VENTX: variants seen among roughly 807,000 people sequenced by gnomAD.
VENTX encodes VENT homeobox.
VENTX carries 13 observed loss-of-function variants against 10.5 expected under a neutral mutation model. The observed-to-expected ratio is 1.23, with a 90% CI of 0.80 to 1.96. The LOEUF (loss-of-function observed/expected upper bound fraction) is 1.96, where lower values mean the gene tolerates loss of function less well. Among genes scored for constraint, VENTX ranks in the 30% most tolerant of loss-of-function variants. VENTX has a pLI of 0.00. For missense variants in VENTX, 400 were observed against 341.8 expected (o/e 1.17, Z -1.34); for synonymous variants, 177 against 150.4 (o/e 1.18, Z -1.29).
Position 133,238,063 on chromosome 10 carries a change from A to G in VENTX, c.149A>G (p.Gln50Arg). The G allele has an allele frequency of 1.3e-6, 2 of 1,597,600 alleles. No individual in the cohort carries two copies. Among genetic ancestry groups the G allele is most frequent in the South Asian group, 1.1e-5 (1 of 88,760 alleles). ...CTGGGGAGCCTCCCTGGCCCAGGCCAGACATCCGGCGCCCGGGAGCCCCCT... is the reference window on the plus strand; with the variant it reads ...CTGGGGAGCCTCCCTGGCCCAGGCCGGACATCCGGCGCCCGGGAGCCCCCT... ...FSLGSLPGPGQTSGAREPPQA... is the reference protein window; with the variant it reads ...FSLGSLPGPGRTSGAREPPQA... Residue 50 changes from glutamine to arginine, a missense_variant, in exon 1 of 3, where the codon CAG (glutamine) becomes CGG (arginine). By Grantham distance (43) the Gln-to-Arg change is conservative. Transcript: ENST00000325980.
At chr10:133,238,869 T>C (rs889214074) in intron 1 of VENTX, among the ~76,000 whole-genome samples, 2 of 152,234 alleles carry the variant, frequency 1.3e-5, no homozygotes, top group Non-Finnish European at 2.9e-5. Context: ...AGTGACTTTG[T>C]ACTTAAGGGA....
intron 1 of VENTX, 129 bp from the exon 2 acceptor site, chr10:133,239,547 G>T: frequency 8.6e-7 from 1 of 1,156,760 alleles, no homozygotes; most frequent in Non-Finnish European, 1.2e-6. Flanking sequence ...GGGTGCTGCT[G>T]GTCACTGTCA....
At position 133,240,037 on chromosome 10, in the gene VENTX, T is replaced by C. The variant is rs1235059581; in HGVS notation, c.508T>C (p.Tyr170His). The C allele has an allele frequency of 6.2e-7, 1 of 1,612,022 alleles. No homozygotes were observed. Among genetic ancestry groups the C allele is most frequent in the South Asian group, 1.1e-5 (1 of 91,018 alleles). The change falls in exon 3 of 3, where the codon TAC (tyrosine) becomes CAC (histidine). Residue 170 changes from tyrosine (Y) to histidine (H), a missense_variant. Physicochemically the swap from Tyr to His is moderately conservative, Grantham distance 83. Coordinates refer to ENST00000325980, the MANE Select transcript of VENTX (RefSeq NM_014468.4). ...SGSLHAPPAF[Y>H]STSSGLANGL... ...GTCTCTCCATGCGCCCCCAGCTTTC[T>C]ACTCAACGTCTTCTGGCCTTGCCAA...
rs565041822 is a variant in VENTX at position 133,241,058 on chromosome 10, T to G, written c.*752T>G. ...AACAGTAAAGGTTGTAAGCTTTGTG[T>G]GTACAAAAGAAAACAGGGAATGCAG... On this transcript the variant is annotated 3_prime_UTR_variant, in exon 3 of 3. Coordinates refer to ENST00000325980, the MANE Select transcript of VENTX (RefSeq NM_014468.4). 2 of 152,364 alleles carry G rather than the reference T, an allele frequency of 1.3e-5. No homozygotes were observed. Among genetic ancestry groups the G allele is most frequent in the East Asian group, 3.9e-4 (2 of 5,188 alleles). 9.4% of individuals were successfully genotyped at this position (152,364 alleles called of 1,614,324 possible).
Position 133,238,135 on chromosome 10 carries a change from C to T in VENTX, c.221C>T (p.Ala74Val). ...KEAAGSSNLP[A>V]PERTMAGLSK... Reference sequence around the variant, plus strand: ...GCCGCCGGGTCCTCAAATCTGCCTGCGCCGGAGAGGACCATGGCCGGTAGG... The same window carrying T: ...GCCGCCGGGTCCTCAAATCTGCCTGTGCCGGAGAGGACCATGGCCGGTAGG... Residue 74 changes from alanine to valine, a missense_variant, in exon 1 of 3, where the codon GCG becomes GTG. Physicochemically the swap from Ala to Val is moderately conservative, Grantham distance 64 (BLOSUM62 0). Coordinates refer to ENST00000325980, the MANE Select transcript of VENTX (RefSeq NM_014468.4). 6.2e-7 allele frequency: 1 copy of T among 1,603,510 alleles called. No individual in the cohort carries two copies.
intron 1 of VENTX, among the ~76,000 whole-genome samples, chr10:133,239,269 C>A (rs1845894192): frequency 6.6e-6 from 1 of 151,736 alleles, no homozygotes; most frequent in Non-Finnish European, 1.5e-5. Flanking sequence ...CTGAGTTGGC[C>A]TCCGCTGGCT....
chr10:133,239,700 T>C lies in VENTX; in HGVS notation c.266T>C (p.Leu89Ser), dbSNP rs1347155798. The part of the protein sequence containing the change: ...MAGLSKEPNT[L>S]RAPRVRTAFT... ...GGGTTGAGTAAGGAGCCAAATACCT[T>C]GCGGGCCCCCCGTGTCCGCACAGCC... Residue 89 changes from leucine (L) to serine (S), a missense_variant, in exon 2 of 3, where the codon TTG (leucine) becomes TCG (serine). Leu to Ser is a moderately radical substitution (Grantham distance 145, BLOSUM62 -2). Coordinates refer to ENST00000325980, the MANE Select transcript of VENTX (RefSeq NM_014468.4). 24 of 1,611,060 alleles carry C rather than the reference T, an allele frequency of 1.5e-5. No homozygotes were observed. Among genetic ancestry groups the C allele is most frequent in the Non-Finnish European group, 2.0e-5 (24 of 1,179,998 alleles).
rs1336242984 is a variant in VENTX, at chr10:133,240,111, T to C, written c.582T>C (p.Ala194=). 2.5e-6 allele frequency: 4 copies of C among 1,610,576 alleles called. No individual in the cohort carries two copies. The highest frequency in any genetic ancestry group is 3.4e-6 in the Non-Finnish European group (4 of 1,179,990). Residue 194 remains alanine, a synonymous_variant, in exon 3 of 3, where the codon GCT becomes GCC. Transcript: ENST00000325980. ...GGGCACCCCTGTCCGGGCCCCAGGC[T>C]CTGATGCTGCCCCCTGGCTCCTTCT... The part of the protein sequence containing the change: ...CPWAPLSGPQ[A]LMLPPGSFWG...
chr10:133,240,125 CT>C lies in VENTX; in HGVS notation c.597del (p.Gly200AlafsTer95), dbSNP rs780634776. On this transcript the variant is annotated frameshift_variant, in exon 3 of 3. Coordinates refer to ENST00000325980, the MANE Select transcript of VENTX (RefSeq NM_014468.4). LOFTEE classifies it low-confidence loss of function (END_TRUNC). ...LSGPQALMLP[P>X]GSFWGLCQVA... ...GGGCCCCAGGCTCTGATGCTGCCCC[CT>C]GGCTCCTTCTGGGGTCTCTGCCAAG... 2.0e-5 allele frequency: 32 copies of C among 1,609,962 alleles called. No individual in the cohort carries two copies. Among genetic ancestry groups the C allele is most frequent in the Non-Finnish European group, 2.5e-5 (30 of 1,179,960 alleles).
At position 133,238,165 on chromosome 10, in the gene VENTX, G is replaced by C. The variant is rs201743978; in HGVS notation, c.241+10G>C. ...GAGAGGACCATGGCCGGTAGGTCCGGGTGGGGGGGGTCCCTTCCTTCCCAG... is the reference window on the plus strand; with the variant it reads ...GAGAGGACCATGGCCGGTAGGTCCGCGTGGGGGGGGTCCCTTCCTTCCCAG... On this transcript the variant is annotated intron_variant, in intron 1 of 2. Transcript: ENST00000325980. 18,937 of 1,578,032 alleles carry C rather than the reference G, an allele frequency of 0.012. 146 individuals carry two copies. The highest frequency in any genetic ancestry group is 0.014 in the Non-Finnish European group (16,127 of 1,160,786).
At position 133,239,759 on chromosome 10, in the gene VENTX, G is replaced by A. The variant is rs145066836; in HGVS notation, c.325G>A (p.Val109Ile). Residue 109 changes from valine (V) to isoleucine (I), a missense_variant, in exon 2 of 3, where the codon GTC becomes ATC. Transcript: ENST00000325980. ...TMEQVRTLEG[V>I]FQHHQYLSPL... ...GGAGCAGGTCCGCACCTTGGAGGGCGTCTTCCAGCACCACCAGTACCTGAG... is the reference window on the plus strand; with the variant it reads ...GGAGCAGGTCCGCACCTTGGAGGGCATCTTCCAGCACCACCAGTACCTGAG... The A allele has an allele frequency of 6.3e-5, 101 of 1,611,174 alleles. No homozygotes were observed. In the Middle Eastern group the frequency reaches 6.6e-4, roughly 10 times the overall value.
chr10:133,241,345 T>TC lies in VENTX; in HGVS notation c.*1044dup, dbSNP rs2136052686. The TC allele has an allele frequency of 6.5e-6, 1 of 152,978 alleles. No homozygotes were observed. The highest frequency in any genetic ancestry group is 2.1e-4 in the South Asian group (1 of 4,844). 9.5% of individuals were successfully genotyped at this position (152,978 alleles called of 1,614,324 possible). On this transcript the variant is annotated 3_prime_UTR_variant, in exon 3 of 3. Coordinates refer to ENST00000325980, the MANE Select transcript of VENTX (RefSeq NM_014468.4). ...CCACCCTCCAACACGTGCTCACCTG[T>TC]CCCCCTGCTCGCAGCAGCCTCGGGA...
intron 1 of VENTX, among the ~76,000 whole-genome samples, chr10:133,238,640 G>T (rs1589788354): frequency 6.6e-6 from 1 of 152,154 alleles, no homozygotes; most frequent in African/African-American, 2.4e-5. Context: ...CAGGTTCGCT[G>T]CAGGGGTGGC....
rs760616532 is a variant in VENTX, at chr10:133,240,179, G to C, written c.650G>C (p.Gly217Ala). ...QVAQEALASA[G>A]ASCCGQPLAS... is the part of the protein sequence containing the mutation. ...GCACAAGAGGCCCTGGCATCTGCGG[G>C]AGCTTCCTGCTGCGGGCAGCCTCTG... The change falls in exon 3 of 3, where the codon GGA becomes GCA. Residue 217 changes from glycine to alanine, a missense_variant. By Grantham distance (60) the Gly-to-Ala change is moderately conservative. Coordinates refer to ENST00000325980, the MANE Select transcript of VENTX (RefSeq NM_014468.4). 1 of 1,609,438 alleles carries C rather than the reference G, an allele frequency of 6.2e-7. No individual in the cohort carries two copies. The highest frequency in any genetic ancestry group is 8.5e-7 in the Non-Finnish European group (1 of 1,179,764).
Position 133,238,167 on chromosome 10 carries a change from T to TG in VENTX, c.241+20dup, listed in dbSNP as rs34240429. 1,310 of 1,574,692 alleles carry TG rather than the reference T, an allele frequency of 8.3e-4. 5 individuals are homozygous for TG. Among genetic ancestry groups the TG allele is most frequent in the South Asian group, 4.0e-3 (341 of 85,828 alleles). On this transcript the variant is annotated intron_variant, in intron 1 of 2. Transcript: ENST00000325980. ...GAGGACCATGGCCGGTAGGTCCGGG[T>TG]GGGGGGGGTCCCTTCCTTCCCAGGT...
At chr10:133,238,251 G>A (rs918341811) in intron 1 of VENTX, 96 bp downstream of exon 1, 1 of 1,427,930 alleles carries the variant, frequency 7.0e-7, no homozygotes, top group Non-Finnish European at 9.2e-7. Flanking sequence ...GCGGTGCCCT[G>A]CCCACTAGGT....
chr10:133,240,459 T>G lies in VENTX; in HGVS notation c.*153T>G. 3.7e-6 allele frequency: 2 copies of G among 534,070 alleles called. No homozygotes were observed. The highest frequency in any genetic ancestry group is 5.7e-6 in the Non-Finnish European group (2 of 353,226). 33.1% of individuals were successfully genotyped at this position (534,070 alleles called of 1,614,324 possible). On this transcript the variant is annotated 3_prime_UTR_variant, in exon 3 of 3. Transcript: ENST00000325980. ...TTACTGGAGAATATATATAAATATATATATGTACGTATATATGTAAATACA... is the reference window on the plus strand; with the variant it reads ...TTACTGGAGAATATATATAAATATAGATATGTACGTATATATGTAAATACA...
At chr10:133,238,569 C>G (rs1157078440) in intron 1 of VENTX, among the ~76,000 whole-genome samples, 1 of 151,904 alleles carries the variant, frequency 6.6e-6, no homozygotes, top group Admixed American at 6.6e-5. Flanking sequence ...GGTGCCTGCT[C>G]AGCGTCTAGG....
chr10:133,239,705 G>C lies in VENTX; in HGVS notation c.271G>C (p.Ala91Pro), dbSNP rs553082556. 1.2e-6 allele frequency: 2 copies of C among 1,611,092 alleles called. No individual in the cohort carries two copies. The highest frequency in any genetic ancestry group is 8.5e-7 in the Non-Finnish European group (1 of 1,180,006). Residue 91 changes from alanine (A) to proline (P), a missense_variant, in exon 2 of 3, where the codon GCC becomes CCC. By Grantham distance (27) the Ala-to-Pro change is conservative (BLOSUM62 -1). Transcript: ENST00000325980. ...GAGTAAGGAGCCAAATACCTTGCGGGCCCCCCGTGTCCGCACAGCCTTCAC... is the reference window on the plus strand; with the variant it reads ...GAGTAAGGAGCCAAATACCTTGCGGCCCCCCCGTGTCCGCACAGCCTTCAC... Reference protein sequence around the residue: ...GLSKEPNTLRAPRVRTAFTME... With the variant: ...GLSKEPNTLRPPRVRTAFTME...
Sources: allele counts gnomAD v4.1 joint callset (sites outside exome capture counted in the v4.1 genomes callset), GRCh38; gene constraint gnomAD v4.1.1; transcripts MANE v1.5; gene names NCBI Gene and HGNC (gene_info 2026-07-23, HGNC 2026-07-21).